The following SUGT1 variants were observed in gnomAD, a reference collection of about 807,000 sequenced individuals.
SUGT1 encodes the protein protein SGT1 homolog.
SUGT1 carries 15 observed loss-of-function variants against 56.1 expected under a neutral mutation model. The observed-to-expected ratio is 0.27, with a 90% CI of 0.18 to 0.41. SUGT1 has a LOEUF of 0.41. Among genes scored for constraint, SUGT1 ranks in the 10% least tolerant of loss-of-function variants. The pLI is 1.00. For synonymous variants in SUGT1, 123 were observed against 128.6 expected, an observed-to-expected ratio of 0.96 and a Z score of 0.30; for missense variants, 347 against 382.2, an observed-to-expected ratio of 0.91 and a Z score of 0.77.
chr13:52,670,252 A>G (rs1960056), intron 10 of SUGT1, among the ~76,000 whole-genome samples: 3,390 of 152,264 alleles, frequency 0.022, 119 homozygotes, highest in African/African-American at 0.075. Flanking sequence ...TTTCTTAACT[A>G]TTTTACAGTG....
At chr13:52,675,983 A>T (rs1223415396) in intron 10 of SUGT1, among the ~76,000 whole-genome samples, 2 of 152,152 alleles carry the variant, frequency 1.3e-5, no homozygotes, top group African/African-American at 2.4e-5. Flanking sequence ...GAAAAAAAGC[A>T]TATGTATTTC....
chr13:52,675,036 C>G (rs1303951058), intron 10 of SUGT1, among the ~76,000 whole-genome samples: 1 of 151,922 alleles, frequency 6.6e-6, no homozygotes, highest in Non-Finnish European at 1.5e-5. Flanking sequence ...CTCAGTACTC[C>G]CCGATGCAGT....
rs560680684 is a variant in SUGT1 at position 52,672,797 on chromosome 13, C to T, written c.628-3433C>T. Among the ~76,000 whole-genome samples, 67 of 152,240 alleles carry T rather than the reference C, an allele frequency of 4.4e-4. No individual in the cohort carries two copies. The South Asian group carries it at 0.012, about 27-fold the overall frequency. On this transcript the variant is annotated intron_variant, in intron 10 of 12. Transcript: ENST00000310528. ...TGTCTGGATATCATGATTGCTTAAGCGTAATGCCATCTCTTTAAATCTGAA... is the reference window on the plus strand; with the variant it reads ...TGTCTGGATATCATGATTGCTTAAGTGTAATGCCATCTCTTTAAATCTGAA...
At chr13:52,659,814 A>ATTTTTTT (rs71088033) in intron 5 of SUGT1, among the ~76,000 whole-genome samples, 1 of 58,726 alleles carries the variant, frequency 1.7e-5, no homozygotes, top group Non-Finnish European at 2.9e-5. Context: ...ATATATATAT[A>ATTTTTTT]TTTTTTTTTT....
In SUGT1 at chr13:52,690,641, G is replaced by A. The variant is rs537930551; in HGVS notation, c.*2806G>A. ...TCTGCTTTTTGAACTCTGCTATCTA[G>A]TAATCTCTTTAGATATCTATACCAC... On this transcript the variant is annotated 3_prime_UTR_variant, in exon 13 of 13. Transcript: ENST00000310528. The A allele has an allele frequency of 6.6e-6, 1 of 152,188 alleles. No individual in the cohort carries two copies. The highest frequency in any genetic ancestry group is 2.4e-5 in the African/African-American group (1 of 41,514). The allele number at this position is 152,188 out of a possible 1,614,324, so 9.4% of individuals were successfully genotyped here. A position where few individuals can be genotyped will look rare whatever the true frequency, so the allele number is the denominator to read the frequency against.
At position 52,675,411 on chromosome 13, in the gene SUGT1, G is replaced by A. The variant is rs567055208; in HGVS notation, c.628-819G>A. Among the ~76,000 whole-genome samples, 5 of 152,106 alleles carry A rather than the reference G, an allele frequency of 3.3e-5. No homozygotes were observed. The East Asian group carries it at 5.8e-4, about 18-fold the overall frequency. ...CAACCTAGTGAGACTCTGTCTCTACGAAAAATTTTAAAAACATTAGCCAGG... is the reference window on the plus strand; with the variant it reads ...CAACCTAGTGAGACTCTGTCTCTACAAAAAATTTTAAAAACATTAGCCAGG... On this transcript the variant is annotated intron_variant, in intron 10 of 12. Transcript: ENST00000310528.
At chr13:52,677,796 T>C (rs1049507720) in intron 11 of SUGT1, among the ~76,000 whole-genome samples, 9 of 152,060 alleles carry the variant, frequency 5.9e-5, no homozygotes, top group Admixed American at 1.3e-4. Context: ...CTAGTAGTTA[T>C]TTGATATTAT....
intron 10 of SUGT1, among the ~76,000 whole-genome samples, chr13:52,668,116 G>A (rs1421351673): frequency 6.6e-6 from 1 of 152,070 alleles, no homozygotes; most frequent in Non-Finnish European, 1.5e-5. Flanking sequence ...CTGAGTAGCT[G>A]GGATTACAGT....
At chr13:52,666,693 C>A in intron 9 of SUGT1, 119 bp from the exon 10 acceptor site, 2 of 698,290 alleles carry the variant, frequency 2.9e-6, no homozygotes, top group Non-Finnish European at 2.4e-6. Context: ...TCTAAAATTC[C>A]ATATATAATG....
At chr13:52,665,383 G>A (rs894956129) in intron 8 of SUGT1, among the ~76,000 whole-genome samples, 3 of 152,168 alleles carry the variant, frequency 2.0e-5, no homozygotes, top group South Asian at 4.1e-4. Flanking sequence ...CTAGAGATGA[G>A]TCAGAACCCA....
chr13:52,662,544 C>CGAGTGAAG, intron 5 of SUGT1, 105 bp from the exon 6 acceptor site: 2 of 1,108,890 alleles, frequency 1.8e-6, no homozygotes, highest in South Asian at 1.6e-5. Context: ...TGCCGACTCC[C>CGAGTGAAG]CAGTGCCTAG....
chr13:52,667,039 A>G, intron 10 of SUGT1, 120 bp downstream of exon 10: 3 of 642,034 alleles, frequency 4.7e-6, no homozygotes, highest in Non-Finnish European at 7.9e-6. Flanking sequence ...CAGGGACAAG[A>G]AAATAAGAAT....
intron 10 of SUGT1, among the ~76,000 whole-genome samples, chr13:52,670,419 C>T (rs764712066): frequency 2.4e-4 from 36 of 152,154 alleles, no homozygotes; most frequent in Non-Finnish European, 4.6e-4. Flanking sequence ...TTTCATGACA[C>T]TATTCTCTGG....
intron 5 of SUGT1, among the ~76,000 whole-genome samples, chr13:52,661,072 A>G (rs889930486): frequency 1.3e-5 from 2 of 152,114 alleles, no homozygotes; most frequent in Admixed American, 6.6e-5. Flanking sequence ...TCGGCCTCTG[A>G]AAGTGCTGGG....
chr13:52,662,964 ACTTTT>A, intron 6 of SUGT1, 127 bp from the exon 7 acceptor site: 4 of 1,041,766 alleles, frequency 3.8e-6, no homozygotes, highest in Non-Finnish European at 5.6e-6. Context: ...AAATGAAACC[ACTTTT>A]CTTTAGTTGA....
chr13:52,677,838 C>G (rs893542054), intron 11 of SUGT1, among the ~76,000 whole-genome samples: 8 of 152,110 alleles, frequency 5.3e-5, no homozygotes, highest in African/African-American at 1.9e-4. Context: ...GATTACTCAT[C>G]TCTCAGTAGT....
At chr13:52,653,006 T>C (rs1379925722) in intron 1 of SUGT1, 40 bp from the exon 2 acceptor site, 2 of 1,614,078 alleles carry the variant, frequency 1.2e-6, no homozygotes, top group Non-Finnish European at 8.5e-7. Flanking sequence ...CCCCTTTCCT[T>C]GGCTAGTGAG....
intron 12 of SUGT1, among the ~76,000 whole-genome samples, chr13:52,682,375 T>A (rs1360627542): frequency 7.7e-5 from 1 of 13,044 alleles, no homozygotes; most frequent in African/African-American, 2.8e-4. Context: ...ATTTTTAAAA[T>A]TTTTTGTAGA....
chr13:52,671,138 G>A (rs1248231551), intron 10 of SUGT1, among the ~76,000 whole-genome samples: 1 of 151,536 alleles, frequency 6.6e-6, no homozygotes, highest in Non-Finnish European at 1.5e-5. Context: ...CTGCTTGTCT[G>A]AATACATAGA....
Sources: allele counts gnomAD v4.1 joint callset (sites outside exome capture counted in the v4.1 genomes callset), GRCh38; gene constraint gnomAD v4.1.1; transcripts MANE v1.5; gene names NCBI Gene and HGNC (gene_info 2026-07-23, HGNC 2026-07-21).